The following BCHE variants were observed in gnomAD, a reference collection of about 807,000 sequenced individuals.
BCHE encodes the protein butyrylcholinesterase.
A neutral mutation model predicts 51.3 loss-of-function variants in BCHE; 48 were observed. The ratio of observed to expected loss-of-function variants is 0.94; its 90% CI spans 0.74 to 1.19. The LOEUF (loss-of-function observed/expected upper bound fraction) is 1.19, where lower values mean the gene tolerates loss of function less well. BCHE is among the 50% of genes most tolerant of loss of function. The probability of loss-of-function intolerance (pLI) is 0.00; values close to 1 mark genes in which losing one functional copy is unlikely to be tolerated. For synonymous variants in BCHE, 251 were observed against 238.0 expected, an observed-to-expected ratio of 1.05 and a Z score of -0.50; for missense variants, 847 against 708.2, an observed-to-expected ratio of 1.20 and a Z score of -2.23.
intron 2 of BCHE, among the ~76,000 whole-genome samples, chr3:165,819,277 C>T (rs972833721): frequency 6.6e-6 from 1 of 151,780 alleles, no homozygotes; most frequent in African/African-American, 2.4e-5. Context: ...TGGGGTTTAC[C>T]ATATTAGCCA....
At chr3:165,836,909 A>C (rs1258366300) in intron 1 of BCHE, among the ~76,000 whole-genome samples, 1 of 152,186 alleles carries the variant, frequency 6.6e-6, no homozygotes, top group Non-Finnish European at 1.5e-5. Context: ...CCCATTTAAA[A>C]AGAAAAAAAA....
intron 2 of BCHE, among the ~76,000 whole-genome samples, chr3:165,808,368 T>C (rs1487994663): frequency 6.6e-6 from 1 of 152,038 alleles, no homozygotes; most frequent in Non-Finnish European, 1.5e-5. Context: ...GGAAAATAGA[T>C]TTCAAGATTT....
intron 2 of BCHE, among the ~76,000 whole-genome samples, chr3:165,795,248 T>G (rs1248376695): frequency 1.3e-5 from 2 of 152,196 alleles, no homozygotes; most frequent in African/African-American, 4.8e-5. Context: ...GACTTCAATG[T>G]CCTTCATCTG....
At chr3:165,833,307 G>T (rs903656577) in intron 1 of BCHE, among the ~76,000 whole-genome samples, 17 of 152,144 alleles carry the variant, frequency 1.1e-4, no homozygotes, top group African/African-American at 4.1e-4. Flanking sequence ...TCTAAGAAAT[G>T]CATTGTTAGG....
chr3:165,797,060 G>A (rs1713408388), intron 2 of BCHE, among the ~76,000 whole-genome samples: 1 of 151,818 alleles, frequency 6.6e-6, no homozygotes, highest in Non-Finnish European at 1.5e-5. Flanking sequence ...AAATGAATTG[G>A]GCTGAATACT....
At chr3:165,837,188 G>A (rs1715218692) in intron 1 of BCHE, 126 bp downstream of exon 1, 1 of 498,538 alleles carries the variant, frequency 2.0e-6, no homozygotes, top group Non-Finnish European at 3.3e-6. Flanking sequence ...GCAAGCTTCA[G>A]TAACTGTTCC....
At chr3:165,810,664 G>A (rs753744242) in intron 2 of BCHE, among the ~76,000 whole-genome samples, 1 of 152,086 alleles carries the variant, frequency 6.6e-6, no homozygotes, top group Non-Finnish European at 1.5e-5. Flanking sequence ...GTGTTCGTTA[G>A]CTCTGTTTTG....
At chr3:165,786,424 A>T in intron 2 of BCHE, 113 bp from the exon 3 acceptor site, 1 of 995,726 alleles carries the variant, frequency 1.0e-6, no homozygotes, top group African/African-American at 1.6e-5. Context: ...GACAGAAAAA[A>T]TGTGGATATA....
chr3:165,772,922 T>G lies in BCHE; in HGVS notation c.*460A>C, dbSNP rs1318498135. On this transcript the variant is annotated 3_prime_UTR_variant, in exon 4 of 4. Transcript: ENST00000264381. ...AGACCAATGATTTTCTGTGCTTATT[T>G]TAATATCTCATATTGACATTCAATT... 2 of 152,400 alleles carry G rather than the reference T, an allele frequency of 1.3e-5. No homozygotes were observed. Among genetic ancestry groups the G allele is most frequent in the Non-Finnish European group, 2.9e-5 (2 of 68,204 alleles). The allele number at this position is 152,400 out of a possible 1,614,324, so 9.4% of individuals were successfully genotyped here.
At chr3:165,805,344 T>C (rs531507090) in intron 2 of BCHE, among the ~76,000 whole-genome samples, 6 of 152,250 alleles carry the variant, frequency 3.9e-5, no homozygotes, top group South Asian at 2.1e-4. Context: ...GAAACTGCAG[T>C]TAGTTTTGCT....
At chr3:165,814,551 G>C (rs1714231273) in intron 2 of BCHE, among the ~76,000 whole-genome samples, 1 of 152,026 alleles carries the variant, frequency 6.6e-6, no homozygotes, top group Non-Finnish European at 1.5e-5. Context: ...GCCTAGCCAA[G>C]GGCCAATCTT....
chr3:165,774,656 AC>A (rs1171824942), intron 3 of BCHE, among the ~76,000 whole-genome samples: 1 of 152,152 alleles, frequency 6.6e-6, no homozygotes, highest in Non-Finnish European at 1.5e-5. Flanking sequence ...TTAATGGGAA[AC>A]AACATTAAGT....
At chr3:165,803,569 G>A (rs1713749667) in intron 2 of BCHE, among the ~76,000 whole-genome samples, 1 of 152,082 alleles carries the variant, frequency 6.6e-6, no homozygotes, top group Non-Finnish European at 1.5e-5. Context: ...TACTAAATAT[G>A]TAATGGACCT....
chr3:165,802,244 G>A (rs1016616540), intron 2 of BCHE, among the ~76,000 whole-genome samples: 1 of 152,150 alleles, frequency 6.6e-6, no homozygotes, highest in African/African-American at 2.4e-5. Flanking sequence ...CAAGTTGGTT[G>A]AGTATAGTGA....
intron 2 of BCHE, among the ~76,000 whole-genome samples, chr3:165,802,323 A>T (rs1167826522): frequency 1.3e-5 from 2 of 152,222 alleles, no homozygotes; most frequent in African/African-American, 4.8e-5. Flanking sequence ...TAATGATAAG[A>T]AATTTAGATT....
At chr3:165,836,059 C>A (rs1715176488) in intron 1 of BCHE, among the ~76,000 whole-genome samples, 2 of 151,732 alleles carry the variant, frequency 1.3e-5, no homozygotes, top group African/African-American at 4.8e-5. Flanking sequence ...CTATTAGTAG[C>A]TTATGTTTTA....
At chr3:165,778,602 A>G (rs1188697048) in intron 3 of BCHE, 5 of 421,676 alleles carry the variant, frequency 1.2e-5, no homozygotes, top group East Asian at 7.1e-5. Flanking sequence ...CAGTGCAGGT[A>G]TCTTCTCTTC....
chr3:165,833,550 G>T (rs979558416), intron 1 of BCHE, among the ~76,000 whole-genome samples: 4 of 152,110 alleles, frequency 2.6e-5, no homozygotes, highest in Non-Finnish European at 4.4e-5. Flanking sequence ...CACCATTATT[G>T]ATTGAAGCAT....
chr3:165,829,376 T>C (rs1206682705), intron 2 of BCHE, 141 bp downstream of exon 2: 13 of 781,608 alleles, frequency 1.7e-5, no homozygotes, highest in Non-Finnish European at 2.6e-5. Flanking sequence ...TAAGAAAAAA[T>C]AAAACCAGCT....
Sources: allele counts gnomAD v4.1 joint callset (sites outside exome capture counted in the v4.1 genomes callset), GRCh38; gene constraint gnomAD v4.1.1; transcripts MANE v1.5; gene names NCBI Gene and HGNC (gene_info 2026-07-23, HGNC 2026-07-21).